RNASEH1: variants seen among roughly 807,000 people sequenced by gnomAD.
The protein encoded by RNASEH1 is ribonuclease H1, also known as ribonuclease H type II.
In RNASEH1, 27 loss-of-function variants were observed where a neutral mutation model predicts 34.6. The observed-to-expected ratio is 0.78, with a 90% confidence interval of 0.58 to 1.08. The LOEUF is 1.08. Ranked by LOEUF, RNASEH1 falls within the 50% of genes least tolerant of loss-of-function variation. The pLI is 0.00. For missense variants in RNASEH1, 349 were observed against 373.6 expected (o/e 0.93, Z 0.54); for synonymous variants, 162 against 138.4 (o/e 1.17, Z -1.20).
At chr2:3,557,888 C>T (rs931770147) in intron 1 of RNASEH1, 4 of 1,499,434 alleles carry the variant, frequency 2.7e-6, no homozygotes, top group African/African-American at 1.4e-5. Flanking sequence ...ATTAGGCCAC[C>T]CCTAACCTTT....
chr2:3,539,897 T>TAC (rs1668200329), downstream of RNASEH1, among the ~76,000 whole-genome samples: 1 of 152,188 alleles, frequency 6.6e-6, no homozygotes, highest in African/African-American at 2.4e-5. Flanking sequence ...GGTTCCTATT[T>TAC]ACAGTTACCC....
the RNASEH1 span, chr2:3,533,671 C>G: frequency 2.0e-5 from 3 of 152,314 alleles, no homozygotes; most frequent in African/African-American, 4.8e-5. Flanking sequence ...AAGAGCCAAA[C>G]AGAATGACCA....
chr2:3,557,561 T>C (rs1186352570), intron 1 of RNASEH1: 3 of 272,918 alleles, frequency 1.1e-5, no homozygotes, highest in East Asian at 2.4e-4. Context: ...GTGGGAAGAG[T>C]TCTGGTGGTA....
At chr2:3,554,920 T>A (rs965948754) in intron 2 of RNASEH1, among the ~76,000 whole-genome samples, 1 of 152,210 alleles carries the variant, frequency 6.6e-6, no homozygotes, top group Non-Finnish European at 1.5e-5. Context: ...CATTACTGCC[T>A]CCATTCTCCC....
chr2:3,558,300 C>A lies in RNASEH1; in HGVS notation c.-40G>T, dbSNP rs765541741. 4.7e-6 allele frequency: 7 copies of A among 1,497,166 alleles called. No individual in the cohort carries two copies. Among genetic ancestry groups the A allele is most frequent in the South Asian group, 3.9e-5 (3 of 76,482 alleles). The allele number at this position is 1,497,166 out of a possible 1,614,324, so 92.7% of individuals were successfully genotyped here. ...ACCGGGAAGCATTTCGACTCCCGGC[C>A]CAGCGTGGGCGCGAGCCGCCGGCGC... On this transcript the variant is annotated 5_prime_UTR_variant, in exon 1 of 8. Coordinates refer to ENST00000315212, the MANE Select transcript of RNASEH1 (RefSeq NM_002936.6).
intron 2 of RNASEH1, among the ~76,000 whole-genome samples, chr2:3,553,478 C>T (rs974619575): frequency 2.0e-5 from 3 of 151,810 alleles, no homozygotes; most frequent in Non-Finnish European, 4.4e-5. Context: ...GCAACTTCCA[C>T]CTCCCTGGTT....
At chr2:3,539,617 C>T (rs774930805), downstream of RNASEH1, among the ~76,000 whole-genome samples, 3 of 152,058 alleles carry the variant, frequency 2.0e-5, no homozygotes, top group African/African-American at 4.8e-5. Context: ...TGAGTGTTTA[C>T]GAACTGAGGA....
chr2:3,541,900 C>T lies in RNASEH1; in HGVS notation c.*3885G>A, dbSNP rs1157428117. On this transcript the variant is annotated 3_prime_UTR_variant, in exon 8 of 8. Transcript: ENST00000315212. ...GGCTTTGGTGGCTCACACCTGTAAT[C>T]CCAGCACTTTGGGAGGCCAAGGAAG... Among the ~76,000 whole-genome samples, 3 of 152,312 alleles carry T rather than the reference C, an allele frequency of 2.0e-5. No homozygotes were observed. Among genetic ancestry groups the T allele is most frequent in the African/African-American group, 2.4e-5 (1 of 41,562 alleles).
intron 6 of RNASEH1, 56 bp downstream of exon 6, chr2:3,548,583 AC>A: frequency 8.3e-7 from 1 of 1,210,622 alleles, no homozygotes; most frequent in Non-Finnish European, 1.2e-6. Context: ...AACACCTCCT[AC>A]CAATTTCCCT....
At chr2:3,532,914 C>T in the RNASEH1 span, among the ~76,000 whole-genome samples, 3 of 152,232 alleles carry the variant, frequency 2.0e-5, no homozygotes, top group African/African-American at 2.4e-5. Context: ...GGCGCTCTCC[C>T]GCGCAGACAG....
At chr2:3,547,350 A>T (rs1254648870) in intron 7 of RNASEH1, among the ~76,000 whole-genome samples, 1 of 151,490 alleles carries the variant, frequency 6.6e-6, no homozygotes, top group Non-Finnish European at 1.5e-5. Flanking sequence ...CTAATTTTTT[A>T]TTTTTTCGAG....
At position 3,549,042 on chromosome 2, in the gene RNASEH1, G is replaced by A. The variant is rs375447388; in HGVS notation, c.564+16C>T. On this transcript the variant is annotated intron_variant, in intron 5 of 7. Transcript: ENST00000315212. ...ATGCTCAAAAAAGAGAGGCTTAAAC[G>A]TATCTGATAACTTACATGAATTTCC... The A allele has an allele frequency of 1.5e-4, 234 of 1,603,476 alleles. No individual in the cohort carries two copies. Among genetic ancestry groups the A allele is most frequent in the Non-Finnish European group, 1.9e-4 (222 of 1,170,704 alleles).
chr2:3,550,594 GTT>G (rs1271228645), intron 3 of RNASEH1, 122 bp from the exon 4 acceptor site: 7 of 730,314 alleles, frequency 9.6e-6, no homozygotes, highest in Middle Eastern at 2.3e-4. Context: ...CGCTGCAGAC[GTT>G]TTCTCTCTAG....
the RNASEH1 span, among the ~76,000 whole-genome samples, chr2:3,535,389 T>C: frequency 2.7e-5 from 4 of 145,578 alleles, no homozygotes; most frequent in East Asian, 8.0e-4. Flanking sequence ...ATTGCACCAC[T>C]GCACTCCAGC....
intron 1 of RNASEH1, among the ~76,000 whole-genome samples, chr2:3,557,229 T>A (rs1368174411): frequency 6.6e-6 from 1 of 152,234 alleles, no homozygotes; most frequent in African/African-American, 2.4e-5. Context: ...TTTCCAAATA[T>A]TTTTGATCTA....
chr2:3,532,038 A>G, the RNASEH1 span: 11 of 561,610 alleles, frequency 2.0e-5, no homozygotes, highest in South Asian at 2.2e-4. Context: ...CAAGAAGACA[A>G]GACAGCAAGA....
chr2:3,550,388 C>T lies in RNASEH1; in HGVS notation c.494G>A (p.Gly165Glu), dbSNP rs1669179765. The T allele has an allele frequency of 1.9e-6, 3 of 1,613,446 alleles. No individual in the cohort carries two copies. Among genetic ancestry groups the T allele is most frequent in the African/African-American group, 2.7e-5 (2 of 74,868 alleles). The change falls in exon 4 of 8, where the codon GGG becomes GAG. Residue 165 changes from glycine (G) to glutamate (E), a missense_variant. By Grantham distance (98) the Gly-to-Glu change is moderately conservative (BLOSUM62 -2). Coordinates refer to ENST00000315212, the MANE Select transcript of RNASEH1 (RefSeq NM_002936.6). ...RPRAGIGVYWGPGHPLNVGIR... is the reference protein window; with the variant it reads ...RPRAGIGVYWEPGHPLNVGIR... ...TTTAACTTACAAAGGATGGCCTGGC[C>T]CCCAGTAAACGCCGATTCCTGCTCG...
intron 2 of RNASEH1, among the ~76,000 whole-genome samples, chr2:3,556,434 T>C (rs191429211): frequency 3.3e-5 from 5 of 151,522 alleles, no homozygotes; most frequent in African/African-American, 1.2e-4. Context: ...GCCTCCCGAG[T>C]AGCTGGGATT....
chr2:3,548,559 T>C, intron 6 of RNASEH1, 81 bp downstream of exon 6: 1 of 899,432 alleles, frequency 1.1e-6, no homozygotes, highest in Non-Finnish European at 1.8e-6. Context: ...CCCATTTGGG[T>C]CCTGCCCTGT....
Sources: allele counts gnomAD v4.1 joint callset (sites outside exome capture counted in the v4.1 genomes callset), GRCh38; gene constraint gnomAD v4.1.1; transcripts MANE v1.5; gene names NCBI Gene and HGNC (gene_info 2026-07-23, HGNC 2026-07-21).